The following WDR41 variants were observed in gnomAD, a reference collection of about 807,000 sequenced individuals.
WDR41 encodes the protein WD repeat domain 41.
WDR41 carries 63 observed loss-of-function variants against 69.3 expected under a neutral mutation model. The ratio of observed to expected loss-of-function variants is 0.91; its 90% confidence interval spans 0.74 to 1.12. The LOEUF is 1.12. Among genes scored for constraint, WDR41 ranks in the 50% most tolerant of loss-of-function variants. The pLI is 0.00. For missense variants in WDR41, 543 were observed against 534.5 expected, an observed-to-expected ratio of 1.02 and a Z score of -0.16; for synonymous variants, 185 against 192.1, an observed-to-expected ratio of 0.96 and a Z score of 0.31.
At chr5:77,469,332 G>C (rs1800453635) in intron 2 of WDR41, among the ~76,000 whole-genome samples, 1 of 152,160 alleles carries the variant, frequency 6.6e-6, no homozygotes, top group African/African-American at 2.4e-5. Flanking sequence ...CACGGCACAT[G>C]TATACATATG....
chr5:77,585,584 C>T (rs1402086317), intron 1 of WDR41, among the ~76,000 whole-genome samples: 1 of 152,142 alleles, frequency 6.6e-6, no homozygotes, highest in African/African-American at 2.4e-5. Flanking sequence ...AAATGCCCAT[C>T]AATCAATGAA....
At chr5:77,568,795 T>C (rs1358471243) in intron 1 of WDR41, among the ~76,000 whole-genome samples, 1 of 152,132 alleles carries the variant, frequency 6.6e-6, no homozygotes, top group Non-Finnish European at 1.5e-5. Flanking sequence ...CAGACTATCC[T>C]CTCCCAGAAA....
intron 1 of WDR41, among the ~76,000 whole-genome samples, chr5:77,584,658 T>C (rs996927291): frequency 6.6e-6 from 1 of 151,978 alleles, no homozygotes; most frequent in Non-Finnish European, 1.5e-5. Context: ...GCTGGGATAA[T>C]TAGCAAGCCA....
intron 1 of WDR41, among the ~76,000 whole-genome samples, chr5:77,532,725 C>A (rs1210315309): frequency 6.6e-6 from 1 of 151,770 alleles, no homozygotes; most frequent in African/African-American, 2.4e-5. Context: ...ATATGTAACT[C>A]AAAAACAGGC....
intron 1 of WDR41, among the ~76,000 whole-genome samples, chr5:77,535,409 A>C (rs894850862): frequency 6.6e-6 from 1 of 152,146 alleles, no homozygotes; most frequent in Non-Finnish European, 1.5e-5. Flanking sequence ...GTAACAACAA[A>C]ACTTTCTTGG....
intron 2 of WDR41, among the ~76,000 whole-genome samples, chr5:77,472,189 C>A (rs797010452): frequency 2.0e-5 from 3 of 152,102 alleles, no homozygotes; most frequent in South Asian, 2.1e-4. Flanking sequence ...ATTATCTCAA[C>A]AGATGCAGAA....
intron 2 of WDR41, among the ~76,000 whole-genome samples, chr5:77,481,613 T>C (rs1280710748): frequency 6.6e-6 from 1 of 151,758 alleles, no homozygotes; most frequent in African/African-American, 2.4e-5. Context: ...GGTGAAACCC[T>C]GTCTCTATTA....
chr5:77,546,264 TAG>T, intron 1 of WDR41: 1 of 354,992 alleles, frequency 2.8e-6, no homozygotes, highest in East Asian at 4.3e-5. Context: ...GGCTACAACA[TAG>T]AGTTTTTATA....
intron 1 of WDR41, among the ~76,000 whole-genome samples, chr5:77,541,650 G>A (rs1027701126): frequency 1.3e-5 from 2 of 151,934 alleles, no homozygotes; most frequent in Non-Finnish European, 2.9e-5. Flanking sequence ...CCACCACCAC[G>A]CCAGGCTAAT....
intron 1 of WDR41, among the ~76,000 whole-genome samples, chr5:77,562,167 G>A (rs545843844): frequency 2.0e-5 from 3 of 152,106 alleles, no homozygotes; most frequent in East Asian, 1.9e-4. Flanking sequence ...ATTTAGTGCC[G>A]ATCTGCTGCG....
At chr5:77,439,590 A>G (rs1427345462) in intron 9 of WDR41, among the ~76,000 whole-genome samples, 1 of 152,250 alleles carries the variant, frequency 6.6e-6, no homozygotes, top group Non-Finnish European at 1.5e-5. Flanking sequence ...AAAATTATAA[A>G]CACAACTAGA....
intron 1 of WDR41, among the ~76,000 whole-genome samples, chr5:77,614,631 C>CA (rs1744639131): frequency 1.7e-5 from 2 of 116,974 alleles, no homozygotes; most frequent in South Asian, 6.8e-4. Flanking sequence ...GAACATCACA[C>CA]TCTGGGGACT....
At chr5:77,527,903 T>G (rs1802472333) in intron 1 of WDR41, among the ~76,000 whole-genome samples, 1 of 151,730 alleles carries the variant, frequency 6.6e-6, no homozygotes, top group African/African-American at 2.4e-5. Flanking sequence ...TCAAAACTTG[T>G]AAGGCGTAGT....
intron 1 of WDR41, among the ~76,000 whole-genome samples, chr5:77,560,445 C>T (rs757938097): frequency 2.0e-5 from 3 of 152,052 alleles, no homozygotes; most frequent in Admixed American, 6.6e-5. Flanking sequence ...CAAACCATGG[C>T]TTTTAATATA....
intron 1 of WDR41, among the ~76,000 whole-genome samples, chr5:77,533,889 T>C (rs1314920732): frequency 6.6e-6 from 1 of 152,180 alleles, no homozygotes; most frequent in African/African-American, 2.4e-5. Flanking sequence ...ATTAAAGAGC[T>C]GGTCTCCCCA....
intron 1 of WDR41, among the ~76,000 whole-genome samples, chr5:77,506,696 A>G (rs1388526580): frequency 6.6e-6 from 1 of 152,212 alleles, no homozygotes; most frequent in Non-Finnish European, 1.5e-5. Context: ...ACCATGGAAT[A>G]CCATGCAGCC....
At chr5:77,463,591 CCA>C (rs1338804273) in intron 3 of WDR41, among the ~76,000 whole-genome samples, 1 of 152,040 alleles carries the variant, frequency 6.6e-6, no homozygotes, top group Non-Finnish European at 1.5e-5. Flanking sequence ...ATTTAAGTCT[CCA>C]CAGTTATAAG....
chr5:77,572,563 C>A (rs1217712395), intron 1 of WDR41, among the ~76,000 whole-genome samples: 1 of 152,274 alleles, frequency 6.6e-6, no homozygotes. Context: ...TTCCCAATGA[C>A]AATTTTTTAC....
chr5:77,570,052 A>G (rs1743707533), intron 1 of WDR41, among the ~76,000 whole-genome samples: 1 of 152,194 alleles, frequency 6.6e-6, no homozygotes, highest in African/African-American at 2.4e-5. Flanking sequence ...GAAACAAATA[A>G]AACAAAAACT....
Sources: allele counts gnomAD v4.1 joint callset (sites outside exome capture counted in the v4.1 genomes callset), GRCh38; gene constraint gnomAD v4.1.1; transcripts MANE v1.5; gene names NCBI Gene and HGNC (gene_info 2026-07-23, HGNC 2026-07-21).